CRPPA: variants seen among roughly 807,000 people sequenced by gnomAD.
CRPPA encodes the protein D-ribitol-5-phosphate cytidylyltransferase.
CRPPA carries 43 observed loss-of-function variants against 52.0 expected under a neutral mutation model. That is an observed-to-expected ratio of 0.83 (90% CI 0.65 to 1.07). The LOEUF (loss-of-function observed/expected upper bound fraction) is 1.07. Among genes scored for constraint, CRPPA ranks in the 50% least tolerant of loss-of-function variants. CRPPA has a pLI of 0.00. For missense variants in CRPPA, 629 were observed against 551.7 expected (o/e 1.14, Z -1.40); for synonymous variants, 250 against 203.5 (o/e 1.23, Z -1.94).
chr7:16,236,220 T>C (rs1430965777), intron 8 of CRPPA, among the ~76,000 whole-genome samples: 1 of 152,096 alleles, frequency 6.6e-6, no homozygotes, highest in Non-Finnish European at 1.5e-5. Context: ...CCTCTCACTA[T>C]ATTCTCGAAG....
chr7:16,097,624 G>A (rs539025646), intron 9 of CRPPA, among the ~76,000 whole-genome samples: 85 of 152,248 alleles, frequency 5.6e-4, no homozygotes, highest in African/African-American at 1.8e-3. Context: ...CTTTGTGTGC[G>A]TTTGTCTTTT....
At chr7:16,394,939 G>A (rs73071087) in intron 2 of CRPPA, among the ~76,000 whole-genome samples, 2,291 of 152,282 alleles carry the variant, frequency 0.015, 44 homozygotes, top group Admixed American at 0.056. Flanking sequence ...ATATTCCACA[G>A]CTGTCTTTAT....
intron 9 of CRPPA, among the ~76,000 whole-genome samples, chr7:16,178,243 C>T (rs1562541519): frequency 6.6e-6 from 1 of 152,036 alleles, no homozygotes; most frequent in African/African-American, 2.4e-5. Context: ...AGGACAGTGA[C>T]AGATGGAAAT....
intron 2 of CRPPA, among the ~76,000 whole-genome samples, chr7:16,398,968 T>G (rs1035855132): frequency 6.6e-6 from 1 of 152,204 alleles, no homozygotes; most frequent in East Asian, 1.9e-4. Flanking sequence ...ACGTGACACC[T>G]GACCAGCCCA....
chr7:16,399,289 A>G (rs1233031015), intron 2 of CRPPA, among the ~76,000 whole-genome samples: 2 of 152,054 alleles, frequency 1.3e-5, no homozygotes, highest in African/African-American at 2.4e-5. Flanking sequence ...CATACGATTG[A>G]CGTGTGATCA....
At chr7:16,242,407 T>C (rs1018209760) in intron 8 of CRPPA, among the ~76,000 whole-genome samples, 1 of 152,194 alleles carries the variant, frequency 6.6e-6, no homozygotes, top group African/African-American at 2.4e-5. Context: ...AACAGAGAAC[T>C]GGATATGTCC....
chr7:16,383,504 G>T (rs1423469870), intron 2 of CRPPA, among the ~76,000 whole-genome samples: 1 of 152,222 alleles, frequency 6.6e-6, no homozygotes, highest in Non-Finnish European at 1.5e-5. Flanking sequence ...TGTGCTGGGA[G>T]AACCACTGCT....
At chr7:16,259,526 G>A (rs532165638) in intron 6 of CRPPA, among the ~76,000 whole-genome samples, 19 of 152,046 alleles carry the variant, frequency 1.2e-4, no homozygotes, top group South Asian at 1.2e-3. Context: ...AAACTGTCGG[G>A]AACTTACTTC....
chr7:16,128,438 A>G (rs974573658), intron 9 of CRPPA, among the ~76,000 whole-genome samples: 1 of 152,120 alleles, frequency 6.6e-6, no homozygotes, highest in Non-Finnish European at 1.5e-5. Context: ...GGAAATCTGA[A>G]GAGTTTTTAA....
intron 2 of CRPPA, among the ~76,000 whole-genome samples, chr7:16,395,729 T>C (rs1057302687): frequency 1.3e-5 from 2 of 152,226 alleles, no homozygotes; most frequent in African/African-American, 4.8e-5. Flanking sequence ...ATTTCAATAG[T>C]ACCATTTACC....
intron 2 of CRPPA, among the ~76,000 whole-genome samples, chr7:16,378,691 C>T (rs897855379): frequency 1.2e-3 from 178 of 150,472 alleles, no homozygotes; most frequent in Middle Eastern, 7.0e-3. Flanking sequence ...GCCACACTGA[C>T]TTCCACAATG....
chr7:16,397,316 GTGA>G (rs1787619405), intron 2 of CRPPA, among the ~76,000 whole-genome samples: 1 of 152,188 alleles, frequency 6.6e-6, no homozygotes, highest in East Asian at 1.9e-4. Context: ...TAACTGACAC[GTGA>G]TGGACACGTG....
intron 9 of CRPPA, among the ~76,000 whole-genome samples, chr7:16,126,966 A>C (rs1249078365): frequency 6.6e-6 from 1 of 152,192 alleles, no homozygotes; most frequent in East Asian, 1.9e-4. Flanking sequence ...AATGCCATTT[A>C]TACAATGAAA....
At chr7:16,111,756 G>T (rs909698672) in intron 9 of CRPPA, among the ~76,000 whole-genome samples, 1 of 152,110 alleles carries the variant, frequency 6.6e-6, no homozygotes, top group Non-Finnish European at 1.5e-5. Flanking sequence ...CCAAAAGATG[G>T]GGTTAGGGGA....
At chr7:16,358,082 A>G (rs1188065000) in intron 3 of CRPPA, among the ~76,000 whole-genome samples, 2 of 152,222 alleles carry the variant, frequency 1.3e-5, no homozygotes, top group Non-Finnish European at 2.9e-5. Flanking sequence ...CAGGACTGGC[A>G]TGCAGGAAAA....
intron 5 of CRPPA, among the ~76,000 whole-genome samples, chr7:16,293,465 A>T (rs1008799395): frequency 2.0e-5 from 3 of 151,990 alleles, no homozygotes; most frequent in Admixed American, 2.0e-4. Context: ...ATTAAAGAGA[A>T]TCACCACTAT....
intron 9 of CRPPA, among the ~76,000 whole-genome samples, chr7:16,179,645 C>G (rs1781372443): frequency 6.6e-6 from 1 of 152,032 alleles, no homozygotes; most frequent in Non-Finnish European, 1.5e-5. Flanking sequence ...GGAATGCAAC[C>G]TGGCTGACAC....
chr7:16,237,877 C>CA, intron 8 of CRPPA, among the ~76,000 whole-genome samples: 1 of 152,300 alleles, frequency 6.6e-6, no homozygotes, highest in Admixed American at 6.5e-5. Context: ...ATAGAAATGC[C>CA]AGTCCTCTCA....
chr7:16,279,411 ATTCTGAATCTATG>A (rs2128417977), intron 5 of CRPPA, among the ~76,000 whole-genome samples: 1 of 152,332 alleles, frequency 6.6e-6, no homozygotes, highest in South Asian at 2.1e-4. Context: ...GATCAGTATC[ATTCTGAATCTATG>A]TAACAGGTTC....
Sources: gnomAD v4.1 joint callset for allele counts (sites outside exome capture counted in the v4.1 genomes callset) on GRCh38, gnomAD v4.1.1 for gene constraint, MANE v1.5 for transcripts, NCBI Gene and HGNC (gene_info 2026-07-23, HGNC 2026-07-21) for gene names.